SDK1: variants seen among roughly 807,000 people sequenced by gnomAD.
SDK1 encodes protein sidekick-1.
In SDK1, 157 loss-of-function variants were observed where a neutral mutation model predicts 245.5. The ratio of observed to expected loss-of-function variants is 0.64; its 90% confidence interval spans 0.56 to 0.73. The LOEUF is 0.73. SDK1 is among the 30% of genes least tolerant of loss of function. The pLI is 0.00. For missense variants in SDK1, 3,583 were observed against 3,002.3 expected (o/e 1.19, Z -4.52); for synonymous variants, 1,647 against 1,278.5 (o/e 1.29, Z -6.15).
At chr7:3,718,629 T>G (rs1366487699) in intron 4 of SDK1, among the ~76,000 whole-genome samples, 1 of 151,888 alleles carries the variant, frequency 6.6e-6, no homozygotes, top group Non-Finnish European at 1.5e-5. Flanking sequence ...AGCAATCTAG[T>G]TATAGGGAGT....
At chr7:3,919,298 T>C (rs1188477162) in intron 5 of SDK1, among the ~76,000 whole-genome samples, 1 of 152,196 alleles carries the variant, frequency 6.6e-6, no homozygotes, top group Non-Finnish European at 1.5e-5. Context: ...CTGGGGTGCA[T>C]GGCCGGCCTT....
At chr7:3,347,754 AATTCAGTTC>A (rs1338408777) in intron 1 of SDK1, among the ~76,000 whole-genome samples, 1 of 152,188 alleles carries the variant, frequency 6.6e-6, no homozygotes, top group Non-Finnish European at 1.5e-5. Flanking sequence ...GTAAATTAAG[AATTCAGTTC>A]ACTGAATGCT....
At chr7:3,401,949 G>T (rs1778900027) in intron 1 of SDK1, among the ~76,000 whole-genome samples, 1 of 152,080 alleles carries the variant, frequency 6.6e-6, no homozygotes, top group Non-Finnish European at 1.5e-5. Flanking sequence ...GTGTGTAGCT[G>T]TCTTTACTGC....
At chr7:3,493,208 C>G (rs113766663) in intron 1 of SDK1, among the ~76,000 whole-genome samples, 1 of 152,260 alleles carries the variant, frequency 6.6e-6, no homozygotes. Context: ...ACCTCGGCCT[C>G]CCAAAGTACT....
At chr7:3,687,817 C>T (rs1179938221) in intron 4 of SDK1, among the ~76,000 whole-genome samples, 1 of 152,074 alleles carries the variant, frequency 6.6e-6, no homozygotes, top group Non-Finnish European at 1.5e-5. Context: ...GTGTTAATGT[C>T]GTATCCTGCT....
At chr7:4,010,232 G>A (rs551953294) in intron 14 of SDK1, among the ~76,000 whole-genome samples, 1 of 152,340 alleles carries the variant, frequency 6.6e-6, no homozygotes. Context: ...GTTCATTCCA[G>A]GGCATCAGTC....
intron 1 of SDK1, among the ~76,000 whole-genome samples, chr7:3,507,005 C>A (rs1562528598): frequency 6.6e-6 from 1 of 152,034 alleles, no homozygotes; most frequent in Non-Finnish European, 1.5e-5. Context: ...AGCTACCTTA[C>A]AAGTATGTCA....
chr7:4,266,993 C>T lies in SDK1; in HGVS notation c.*1609C>T, dbSNP rs1431787771. ...CCTGGCCACATGCAGAAAGTGTGGC[C>T]CCTGCTTACCTAGATGTTTTGTGCA... On this transcript the variant is annotated 3_prime_UTR_variant, in exon 45 of 45. Coordinates refer to ENST00000404826, the MANE Select transcript of SDK1 (RefSeq NM_152744.4). 3 of 985,340 alleles carry T rather than the reference C, an allele frequency of 3.0e-6. No homozygotes were observed. The highest frequency in any genetic ancestry group is 3.6e-6 in the Non-Finnish European group (3 of 830,010). 61.0% of individuals were successfully genotyped at this position (985,340 alleles called of 1,614,324 possible). A position where few individuals can be genotyped will look rare whatever the true frequency, so the allele number is the denominator to read the frequency against.
At chr7:3,614,467 A>C (rs1170325708) in intron 1 of SDK1, among the ~76,000 whole-genome samples, 2 of 152,210 alleles carry the variant, frequency 1.3e-5, no homozygotes, top group Non-Finnish European at 2.9e-5. Context: ...TCAGAGTTTT[A>C]TAACTTTACC....
rs112850524 is a variant in SDK1, at chr7:3,587,535, C to T, written c.299-31545C>T. Reference sequence around the variant, plus strand: ...AAGTACAGGAGAAGATTGATGTCCCCGACTGAGCTGTCAAGAAGAGAGAAG... The same window carrying T: ...AAGTACAGGAGAAGATTGATGTCCCTGACTGAGCTGTCAAGAAGAGAGAAG... On this transcript the variant is annotated intron_variant, in intron 1 of 44. Coordinates refer to ENST00000404826, the MANE Select transcript of SDK1 (RefSeq NM_152744.4). Among the ~76,000 whole-genome samples the T allele has an allele frequency of 2.4e-4, 36 of 152,210 alleles. 1 individual carries two copies. Among genetic ancestry groups the T allele is most frequent in the African/African-American group, 4.6e-4 (19 of 41,538 alleles).
intron 4 of SDK1, among the ~76,000 whole-genome samples, chr7:3,736,578 G>C (rs1160406143): frequency 6.6e-6 from 1 of 152,090 alleles, no homozygotes; most frequent in Non-Finnish European, 1.5e-5. Context: ...GGCCACATTA[G>C]GGGTTCTTTT....
At chr7:3,323,306 A>G (rs950214981) in intron 1 of SDK1, among the ~76,000 whole-genome samples, 3 of 152,160 alleles carry the variant, frequency 2.0e-5, no homozygotes, top group East Asian at 3.9e-4. Context: ...AACCCAATAC[A>G]TGTTTGAGTG....
intron 5 of SDK1, among the ~76,000 whole-genome samples, chr7:3,883,185 C>A (rs764806284): frequency 2.6e-5 from 4 of 152,178 alleles, no homozygotes; most frequent in Non-Finnish European, 5.9e-5. Flanking sequence ...CAGGACCCCA[C>A]ACACACAGGC....
intron 5 of SDK1, among the ~76,000 whole-genome samples, chr7:3,948,244 A>T (rs1196082169): frequency 7.5e-6 from 1 of 133,782 alleles, no homozygotes; most frequent in Non-Finnish European, 1.6e-5. Context: ...TGTGTGTATC[A>T]CCATTGCTTT....
intron 1 of SDK1, among the ~76,000 whole-genome samples, chr7:3,476,252 C>T (rs1781344936): frequency 1.3e-5 from 2 of 152,144 alleles, no homozygotes; most frequent in African/African-American, 4.8e-5. Context: ...TTCTTTAATG[C>T]CAGTGACTTG....
At chr7:3,686,655 G>A (rs1405872113) in intron 4 of SDK1, among the ~76,000 whole-genome samples, 3 of 152,086 alleles carry the variant, frequency 2.0e-5, no homozygotes, top group Admixed American at 6.6e-5. Context: ...AGGACACAGC[G>A]CACTGACCCT....
chr7:3,869,079 A>G (rs1487843011), intron 5 of SDK1, among the ~76,000 whole-genome samples: 3 of 151,748 alleles, frequency 2.0e-5, no homozygotes, highest in South Asian at 2.1e-4. Context: ...AGCGTTGTCA[A>G]TTGAAGATTT....
At chr7:4,185,435 G>A (rs984443560) in intron 35 of SDK1, among the ~76,000 whole-genome samples, 2 of 152,144 alleles carry the variant, frequency 1.3e-5, no homozygotes, top group African/African-American at 2.4e-5. Context: ...CCCCAAGCAG[G>A]CATCTCAGCC....
chr7:3,361,077 CG>C (rs1780938463), intron 1 of SDK1, among the ~76,000 whole-genome samples: 1 of 152,040 alleles, frequency 6.6e-6, no homozygotes, highest in East Asian at 1.9e-4. Flanking sequence ...CTTTAAAAAC[CG>C]TATTGATCAA....
Sources: gnomAD v4.1 joint callset for allele counts (sites outside exome capture counted in the v4.1 genomes callset) on GRCh38, gnomAD v4.1.1 for gene constraint, MANE v1.5 for transcripts, NCBI Gene and HGNC (gene_info 2026-07-23, HGNC 2026-07-21) for gene names.